Variants in EPM2A observed in about 807,000 individuals in gnomAD.
EPM2A encodes the protein laforin.
EPM2A carries 21 observed loss-of-function variants against 26.5 expected under a neutral mutation model. The observed-to-expected ratio is 0.79, with a 90% CI of 0.56 to 1.14. The LOEUF is 1.14. Among genes scored for constraint, EPM2A ranks in the 50% most tolerant of loss-of-function variants. The pLI is 0.00. For missense variants in EPM2A, 458 were observed against 440.8 expected (o/e 1.04, Z -0.35); for synonymous variants, 217 against 177.6 (o/e 1.22, Z -1.76).
intron 4 of EPM2A, among the ~76,000 whole-genome samples, chr6:145,438,924 CT>C (rs1779025538): frequency 7.7e-6 from 1 of 129,752 alleles, no homozygotes; most frequent in African/African-American, 2.8e-5. Flanking sequence ...TAGTTTTTTT[CT>C]TCTTTTCTTC....
At chr6:145,488,495 T>TTGTGTGTG (rs146792300) in intron 4 of EPM2A, among the ~76,000 whole-genome samples, 3,450 of 131,718 alleles carry the variant, frequency 0.026, 85 homozygotes, top group African/African-American at 0.051. Flanking sequence ...ATTTGTGTGG[T>TTGTGTGTG]TGTGTGTGTG....
intron 2 of EPM2A, among the ~76,000 whole-genome samples, chr6:145,614,484 C>G (rs1775463489): frequency 6.6e-6 from 1 of 152,254 alleles, no homozygotes. Context: ...TAGCTTTCAG[C>G]TGACCTCGGC....
At chr6:145,695,978 C>T (rs1207211839) in intron 1 of EPM2A, among the ~76,000 whole-genome samples, 2 of 152,042 alleles carry the variant, frequency 1.3e-5, no homozygotes, top group African/African-American at 4.8e-5. Context: ...AATACACATT[C>T]TTCCCAAATA....
At chr6:145,521,111 T>G (rs1465609263) in intron 2 of EPM2A, among the ~76,000 whole-genome samples, 1 of 152,206 alleles carries the variant, frequency 6.6e-6, no homozygotes, top group African/African-American at 2.4e-5. Flanking sequence ...ATATCTGGAA[T>G]GCTTTCAACA....
chr6:145,498,885 C>T (rs114371618), downstream of EPM2A, among the ~76,000 whole-genome samples: 906 of 152,246 alleles, frequency 6.0e-3, 6 homozygotes, highest in African/African-American at 0.021. Context: ...TTTCATATCT[C>T]GGCTATTTTG....
chr6:145,566,640 A>G (rs1780887808), intron 2 of EPM2A, among the ~76,000 whole-genome samples: 2 of 152,220 alleles, frequency 1.3e-5, no homozygotes, highest in South Asian at 4.1e-4. Context: ...TTAAGAGAGC[A>G]AAAAGACATT....
At chr6:145,584,067 A>T (rs1781153184) in intron 2 of EPM2A, among the ~76,000 whole-genome samples, 1 of 152,218 alleles carries the variant, frequency 6.6e-6, no homozygotes, top group South Asian at 2.1e-4. Context: ...ACCATGGGCT[A>T]TCTGCACACA....
At chr6:145,497,829 T>C (rs759690870), downstream of EPM2A, among the ~76,000 whole-genome samples, 10 of 152,222 alleles carry the variant, frequency 6.6e-5, no homozygotes, top group Non-Finnish European at 1.3e-4. Flanking sequence ...CACACTTTTG[T>C]AGAGCAGCTT....
chr6:145,618,066 C>T, intron 2 of EPM2A, among the ~76,000 whole-genome samples: 1 of 152,156 alleles, frequency 6.6e-6, no homozygotes, highest in East Asian at 1.9e-4. Context: ...GCACTGTTTA[C>T]AGTTTCTACC....
intron 4 of EPM2A, among the ~76,000 whole-genome samples, chr6:145,392,069 C>T (rs927091014): frequency 2.0e-5 from 3 of 152,110 alleles, no homozygotes; most frequent in African/African-American, 7.2e-5. Flanking sequence ...TGTTTAAGAA[C>T]CAGGGAAACA....
At chr6:145,676,344 C>T (rs917305440) in intron 2 of EPM2A, among the ~76,000 whole-genome samples, 4 of 151,802 alleles carry the variant, frequency 2.6e-5, no homozygotes, top group Non-Finnish European at 5.9e-5. Context: ...AAATTGACAC[C>T]CTAACATCAC....
chr6:145,728,124 T>C (rs1485442770), intron 1 of EPM2A, among the ~76,000 whole-genome samples: 1 of 152,230 alleles, frequency 6.6e-6, no homozygotes, highest in African/African-American at 2.4e-5. Flanking sequence ...CTGTACAGCC[T>C]GGAGAATCAT....
At chr6:145,423,210 C>T (rs193174039) in intron 4 of EPM2A, among the ~76,000 whole-genome samples, 8 of 152,178 alleles carry the variant, frequency 5.3e-5, no homozygotes, top group Admixed American at 5.2e-4. Context: ...ATAAACTTCC[C>T]CAATTTCTTC....
chr6:145,572,883 C>T (rs1582865261), intron 2 of EPM2A, among the ~76,000 whole-genome samples: 1 of 152,316 alleles, frequency 6.6e-6, no homozygotes, highest in African/African-American at 2.4e-5. Flanking sequence ...GAGTAGCACA[C>T]TCAAATGAGG....
intron 2 of EPM2A, among the ~76,000 whole-genome samples, chr6:145,612,352 TAA>T (rs1775409624): frequency 6.6e-6 from 1 of 151,850 alleles, no homozygotes; most frequent in Non-Finnish European, 1.5e-5. Context: ...GAGAAAAGAG[TAA>T]AGTTTGTTCA....
Position 145,703,975 on chromosome 6 carries a change from G to A in EPM2A, c.302-17679C>T, listed in dbSNP as rs76188497. Among the ~76,000 whole-genome samples, 773 of 152,232 alleles carry A rather than the reference G, an allele frequency of 5.1e-3. 4 individuals are homozygous for A. Among genetic ancestry groups the A allele is most frequent in the African/African-American group, 0.018 (753 of 41,534 alleles). ...TATCAGTTAAAAAGGACATCCATCA[G>A]CTTAATTTTAAAAACATTATTTTAA... On this transcript the variant is annotated intron_variant, in intron 1 of 3. Transcript: ENST00000367519.
chr6:145,554,755 A>C (rs1420160608), intron 2 of EPM2A, among the ~76,000 whole-genome samples: 1 of 152,036 alleles, frequency 6.6e-6, no homozygotes, highest in Non-Finnish European at 1.5e-5. Flanking sequence ...TCTAATCCTA[A>C]TTACCTTCCT....
intron 2 of EPM2A, among the ~76,000 whole-genome samples, chr6:145,511,333 G>A (rs1023751639): frequency 6.6e-6 from 1 of 152,108 alleles, no homozygotes; most frequent in Non-Finnish European, 1.5e-5. Context: ...TATCCCTAAT[G>A]AACATAGGCA....
At chr6:145,589,902 GAAAAA>G (rs1781248330) in intron 2 of EPM2A, among the ~76,000 whole-genome samples, 1 of 127,970 alleles carries the variant, frequency 7.8e-6, no homozygotes, top group Admixed American at 7.8e-5. Flanking sequence ...AAAAAAAAAA[GAAAAA>G]AAAGAAAGAA....
Sources: allele counts gnomAD v4.1 joint callset (sites outside exome capture counted in the v4.1 genomes callset), GRCh38; gene constraint gnomAD v4.1.1; transcripts MANE v1.5; gene names NCBI Gene and HGNC (gene_info 2026-07-23, HGNC 2026-07-21).